ROBO2: variants seen among roughly 807,000 people sequenced by gnomAD.
The protein encoded by ROBO2 is roundabout homolog 2.
In ROBO2, 53 loss-of-function variants were observed where a neutral mutation model predicts 160.8. The observed-to-expected ratio is 0.33, with a 90% CI of 0.26 to 0.41. The LOEUF (loss-of-function observed/expected upper bound fraction) is 0.41. Among genes scored for constraint, ROBO2 ranks in the 10% least tolerant of loss-of-function variants. The pLI is 1.00. For synonymous variants in ROBO2, 664 were observed against 611.7 expected (o/e 1.09, Z -1.26); for missense variants, 1,577 against 1,722.4 (o/e 0.92, Z 1.49).
At chr3:77,409,655 C>T (rs1257283880) in intron 2 of ROBO2, among the ~76,000 whole-genome samples, 1 of 152,038 alleles carries the variant, frequency 6.6e-6, no homozygotes, top group Non-Finnish European at 1.5e-5. Context: ...AGATCCATGA[C>T]CAGTAATTTT....
At chr3:77,569,856 T>C (rs963361785) in intron 13 of ROBO2, among the ~76,000 whole-genome samples, 3 of 152,002 alleles carry the variant, frequency 2.0e-5, no homozygotes, top group Non-Finnish European at 4.4e-5. Flanking sequence ...TAAGACTAAG[T>C]TTATAATATT....
At chr3:76,247,603 A>G (rs930143767) in intron 2 of ROBO2, among the ~76,000 whole-genome samples, 1 of 152,038 alleles carries the variant, frequency 6.6e-6, no homozygotes, top group African/African-American at 2.4e-5. Flanking sequence ...GTTTGTTTTG[A>G]AACCTGAGGA....
intron 2 of ROBO2, among the ~76,000 whole-genome samples, chr3:77,229,870 T>G (rs780393511): frequency 4.6e-5 from 7 of 152,126 alleles, no homozygotes; most frequent in Non-Finnish European, 1.0e-4. Flanking sequence ...ATTATTGAGA[T>G]TCCCTCCATG....
At chr3:77,352,125 C>T (rs1392983078) in intron 2 of ROBO2, among the ~76,000 whole-genome samples, 5 of 148,848 alleles carry the variant, frequency 3.4e-5, no homozygotes, top group Middle Eastern at 3.6e-3. Context: ...AAAAAAGAGT[C>T]GCAGGTATCA....
intron 2 of ROBO2, among the ~76,000 whole-genome samples, chr3:76,394,856 G>C (rs1240260776): frequency 6.6e-6 from 1 of 152,094 alleles, no homozygotes; most frequent in Non-Finnish European, 1.5e-5. Context: ...AAGAGACTTA[G>C]ATTCCCACAC....
intron 1 of ROBO2, among the ~76,000 whole-genome samples, chr3:77,075,650 C>A (rs1179754020): frequency 6.9e-6 from 1 of 145,742 alleles, no homozygotes; most frequent in South Asian, 2.2e-4. Context: ...TTCAAATATA[C>A]ACTACTATTT....
intron 2 of ROBO2, among the ~76,000 whole-genome samples, chr3:77,449,304 T>C (rs959114619): frequency 6.6e-6 from 1 of 152,044 alleles, no homozygotes; most frequent in Non-Finnish European, 1.5e-5. Context: ...ATGAGAAGAA[T>C]GAAAAGGTCT....
chr3:76,653,592 T>C (rs1019149243), intron 2 of ROBO2, among the ~76,000 whole-genome samples: 1 of 152,084 alleles, frequency 6.6e-6, no homozygotes, highest in Admixed American at 6.6e-5. Context: ...TTTTAAATTA[T>C]ACACACAGAG....
chr3:76,306,805 A>T (rs994508932), intron 2 of ROBO2, among the ~76,000 whole-genome samples: 1 of 152,232 alleles, frequency 6.6e-6, no homozygotes, highest in Non-Finnish European at 1.5e-5. Flanking sequence ...AAGAAACCTT[A>T]AAGTTTATTT....
chr3:77,020,545 A>G (rs1194595942), intron 2 of ROBO2, among the ~76,000 whole-genome samples: 1 of 152,218 alleles, frequency 6.6e-6, no homozygotes, highest in Non-Finnish European at 1.5e-5. Context: ...TTGTTCGTAT[A>G]AGGAAACAAA....
intron 2 of ROBO2, among the ~76,000 whole-genome samples, chr3:76,276,091 A>C (rs1328820141): frequency 6.6e-6 from 1 of 152,040 alleles, no homozygotes. Context: ...ATAAAGAAAA[A>C]ACTCAAAAAT....
intron 2 of ROBO2, among the ~76,000 whole-genome samples, chr3:76,042,008 A>G (rs374025078): frequency 7.7e-6 from 1 of 129,862 alleles, no homozygotes; most frequent in South Asian, 2.9e-4. Context: ...GAGCGAGAGC[A>G]AGAGAGAGAG....
intron 2 of ROBO2, among the ~76,000 whole-genome samples, chr3:77,277,091 A>AAG (rs1230780850): frequency 1.3e-5 from 2 of 151,594 alleles, no homozygotes; most frequent in Non-Finnish European, 2.9e-5. Flanking sequence ...TAAAAAGAAA[A>AAG]AGAGAGAGAG....
In ROBO2 at chr3:77,208,679, G is replaced by A. The variant is rs146059123; in HGVS notation, c.388+110339G>A. Among the ~76,000 whole-genome samples, 841 of 152,242 alleles carry A rather than the reference G, an allele frequency of 5.5e-3. 10 individuals carry two copies. Among genetic ancestry groups the A allele is most frequent in the African/African-American group, 0.019 (800 of 41,560 alleles). On this transcript the variant is annotated intron_variant, in intron 2 of 25. Coordinates refer to ENST00000461745, the Ensembl canonical transcript of ROBO2. ...TGTTTGAAGATAGACTATAGATTAT[G>A]GTTCTATGCCTTATGATACAATTAC... is the stretch of plus-strand genomic sequence containing the variant.
chr3:76,115,649 G>T (rs968095356), intron 2 of ROBO2, among the ~76,000 whole-genome samples: 1 of 152,086 alleles, frequency 6.6e-6, no homozygotes, highest in South Asian at 2.1e-4. Context: ...AGTATATCTA[G>T]CATTGTTAGG....
chr3:76,533,000 C>A (rs1322213813), intron 2 of ROBO2, among the ~76,000 whole-genome samples: 1 of 152,122 alleles, frequency 6.6e-6, no homozygotes, highest in Non-Finnish European at 1.5e-5. Context: ...GGATGATATC[C>A]AGTTACTTTC....
Position 76,300,541 on chromosome 3 carries a change from C to T in ROBO2, c.109+362939C>T, listed in dbSNP as rs147779846. ...GTGAATTAATTAACCTGAGGCTTGACTAATGGGAAGCTATTTTGCCATTAA... is the reference window on the plus strand; with the variant it reads ...GTGAATTAATTAACCTGAGGCTTGATTAATGGGAAGCTATTTTGCCATTAA... On this transcript the variant is annotated intron_variant, in intron 2 of 26. Coordinates refer to the ROBO2 transcript ENST00000487694. Among the ~76,000 whole-genome samples, 457 of 151,952 alleles carry T rather than the reference C, an allele frequency of 3.0e-3. 1 individual carries two copies. Among genetic ancestry groups the T allele is most frequent in the Non-Finnish European group, 5.3e-3 (359 of 67,934 alleles).
At chr3:77,556,880 A>G (rs1410514603) in intron 8 of ROBO2, among the ~76,000 whole-genome samples, 1 of 151,876 alleles carries the variant, frequency 6.6e-6, no homozygotes, top group African/African-American at 2.4e-5. Flanking sequence ...ATAATTAACC[A>G]AAGTCTATGC....
chr3:76,492,889 A>G (rs2079911392), intron 2 of ROBO2, among the ~76,000 whole-genome samples: 1 of 152,194 alleles, frequency 6.6e-6, no homozygotes, highest in Non-Finnish European at 1.5e-5. Context: ...TAGTAGTTTT[A>G]TAATTGGATA....
Sources: gnomAD v4.1 joint callset for allele counts (sites outside exome capture counted in the v4.1 genomes callset) on GRCh38, gnomAD v4.1.1 for gene constraint, MANE v1.5 for transcripts, NCBI Gene and HGNC (gene_info 2026-07-23, HGNC 2026-07-21) for gene names.